Variants in MOB1B observed in about 807,000 individuals in gnomAD.
MOB1B encodes MOB kinase activator 1B.
In MOB1B, 19 loss-of-function variants were observed where a neutral mutation model predicts 24.4. The ratio of observed to expected loss-of-function variants is 0.78; its 90% confidence interval spans 0.54 to 1.14. The LOEUF is 1.14. Ranked by LOEUF, MOB1B falls within the 50% of genes most tolerant of loss-of-function variation. The probability of loss-of-function intolerance (pLI) is 0.00; values close to 1 mark genes in which losing one functional copy is unlikely to be tolerated. For missense variants in MOB1B, 243 were observed against 259.6 expected (o/e 0.94, Z 0.44); for synonymous variants, 76 against 82.1 (o/e 0.93, Z 0.40).
chr4:70,937,530 G>C (rs1285470886), intron 1 of MOB1B, among the ~76,000 whole-genome samples: 1 of 132,930 alleles, frequency 7.5e-6, no homozygotes, highest in Non-Finnish European at 1.6e-5. Flanking sequence ...TTTTTTCTTT[G>C]AGATGGAGTC....
At chr4:70,929,771 G>A (rs1390299869) in intron 1 of MOB1B, among the ~76,000 whole-genome samples, 6 of 151,612 alleles carry the variant, frequency 4.0e-5, no homozygotes, top group Admixed American at 2.0e-4. Flanking sequence ...TCAGCCTCCC[G>A]AGTAGCTGGG....
At chr4:70,970,336 C>A (rs1738707239) in intron 3 of MOB1B, among the ~76,000 whole-genome samples, 2 of 152,162 alleles carry the variant, frequency 1.3e-5, no homozygotes, top group Admixed American at 6.6e-5. Flanking sequence ...TCTCCCATTT[C>A]ACTCCTGTCA....
In MOB1B at chr4:70,915,101, T is replaced by C. The variant is rs113679789; in HGVS notation, c.14+12551T>C. ...TTATCATTATCTTAACAATGATGATTGCTAGCAGCTGTTATTTTTTATAAA... is the reference window on the plus strand; with the variant it reads ...TTATCATTATCTTAACAATGATGATCGCTAGCAGCTGTTATTTTTTATAAA... On this transcript the variant is annotated intron_variant, in intron 1 of 5. Transcript: ENST00000309395. 7.5e-3 allele frequency among the ~76,000 whole-genome samples: 1,142 copies of C among 152,364 alleles called. 14 individuals are homozygous for C. The highest frequency in any genetic ancestry group is 0.027 in the African/African-American group (1,104 of 41,578).
Position 70,959,033 on chromosome 4 carries a change from A to T in MOB1B, c.174A>T (p.Ala58=), listed in dbSNP as rs760351933. The T allele has an allele frequency of 3.1e-6, 5 of 1,613,438 alleles. No individual in the cohort carries two copies. The highest frequency in any genetic ancestry group is 1.7e-5 in the Admixed American group (1 of 59,850). Residue 58 remains alanine, a synonymous_variant, in exon 2 of 6, where the codon GCA becomes GCT. Transcript: ENST00000309395. ...GGGAAGATCTCAATGAATGGGTTGC[A>T]GTTAACAGTAAGTAGCCTTTTTATT... is the stretch of plus-strand genomic sequence containing the variant. ...PEGEDLNEWV[A]VNTVDFFNQI...
chr4:70,907,834 C>T (rs1735811090), intron 1 of MOB1B, among the ~76,000 whole-genome samples: 1 of 152,022 alleles, frequency 6.6e-6, no homozygotes, highest in Non-Finnish European at 1.5e-5. Context: ...TAAAAAGAGA[C>T]TGGGTGTTAC....
At chr4:70,921,998 A>C (rs999843322) in intron 1 of MOB1B, among the ~76,000 whole-genome samples, 1 of 152,170 alleles carries the variant, frequency 6.6e-6, no homozygotes. Flanking sequence ...TAACCTTTTA[A>C]ATCTGTAATT....
At chr4:70,929,425 C>T (rs1736791014) in intron 1 of MOB1B, among the ~76,000 whole-genome samples, 1 of 152,070 alleles carries the variant, frequency 6.6e-6, no homozygotes, top group African/African-American at 2.4e-5. Flanking sequence ...GTGATCTGCC[C>T]ACCTTGGCCT....
At chr4:70,966,374 CTTTT>C (rs777364803) in intron 2 of MOB1B, among the ~76,000 whole-genome samples, 1 of 138,030 alleles carries the variant, frequency 7.2e-6, no homozygotes, top group Non-Finnish European at 1.6e-5. Context: ...GTGAGTCCCA[CTTTT>C]TTTTTTTTTT....
At chr4:70,955,486 T>G (rs76278867) in intron 1 of MOB1B, among the ~76,000 whole-genome samples, 2 of 148,840 alleles carry the variant, frequency 1.3e-5, no homozygotes, top group East Asian at 1.9e-4. Context: ...TTTTTTTTTT[T>G]GGGAGACGAT....
At chr4:70,965,598 G>C (rs112741788) in intron 2 of MOB1B, among the ~76,000 whole-genome samples, 1,950 of 150,672 alleles carry the variant, frequency 0.013, 38 homozygotes, top group African/African-American at 0.045. Context: ...GAGATCGAGA[G>C]CATCCTGGCT....
chr4:70,902,602 C>CCGCCCG, intron 1 of MOB1B, 52 bp downstream of exon 1: 5 of 1,498,684 alleles, frequency 3.3e-6, no homozygotes, highest in Non-Finnish European at 4.4e-6. Context: ...GACCTGGGCC[C>CCGCCCG]CCGCCCGCCG....
intron 1 of MOB1B, among the ~76,000 whole-genome samples, chr4:70,905,277 C>T (rs1158664838): frequency 1.3e-5 from 2 of 151,078 alleles, no homozygotes; most frequent in East Asian, 1.9e-4. Flanking sequence ...CTCACTCTGT[C>T]GACCAGGATG....
At chr4:70,919,687 C>G (rs1043606150) in intron 1 of MOB1B, among the ~76,000 whole-genome samples, 1 of 152,138 alleles carries the variant, frequency 6.6e-6, no homozygotes, top group African/African-American at 2.4e-5. Context: ...TTAGTAGAGA[C>G]AGGGTTTCCC....
At chr4:70,902,337 A>G (rs1034127036), upstream of MOB1B, 9 of 660,292 alleles carry the variant, frequency 1.4e-5, no homozygotes, top group Admixed American at 1.1e-4. Context: ...ATTCAAGACG[A>G]GCGCTACCCA....
At chr4:70,910,553 A>C (rs949508209) in intron 1 of MOB1B, among the ~76,000 whole-genome samples, 6 of 151,926 alleles carry the variant, frequency 3.9e-5, no homozygotes, top group Non-Finnish European at 7.4e-5. Context: ...TTATTGTCTC[A>C]TGATGCTGGG....
intron 3 of MOB1B, among the ~76,000 whole-genome samples, chr4:70,973,463 C>G (rs1221902356): frequency 7.7e-6 from 1 of 130,412 alleles, no homozygotes; most frequent in African/African-American, 3.0e-5. Context: ...GAGCAAGACC[C>G]TGTCTCAAAA....
intron 1 of MOB1B, among the ~76,000 whole-genome samples, chr4:70,920,541 A>T (rs1335886026): frequency 5.9e-5 from 9 of 152,228 alleles, no homozygotes; most frequent in Non-Finnish European, 8.8e-5. Flanking sequence ...TATTACAGCA[A>T]TTAATTTAAA....
Position 70,964,842 on chromosome 4 carries a change from ATTGC to A in MOB1B, c.182-5085_182-5082del, listed in dbSNP as rs540273464. On this transcript the variant is annotated intron_variant, in intron 2 of 5. Transcript: ENST00000309395. ...CTACGTGGGAGGCTGAGGCAGGAAA[ATTGC>A]TTGAACCCAGGAAGCAGAGCTTGTA... Among the ~76,000 whole-genome samples, 291 of 152,058 alleles carry A rather than the reference ATTGC, an allele frequency of 1.9e-3. 1 individual carries two copies. The highest frequency in any genetic ancestry group is 6.7e-3 in the African/African-American group (278 of 41,476).
At chr4:70,924,562 C>T (rs1253704630) in intron 1 of MOB1B, among the ~76,000 whole-genome samples, 1 of 152,086 alleles carries the variant, frequency 6.6e-6, no homozygotes, top group African/African-American at 2.4e-5. Context: ...ATACATGTGC[C>T]GTGTTGGTTT....
Sources: gnomAD v4.1 joint callset for allele counts (sites outside exome capture counted in the v4.1 genomes callset) on GRCh38, gnomAD v4.1.1 for gene constraint, MANE v1.5 for transcripts, NCBI Gene and HGNC (gene_info 2026-07-23, HGNC 2026-07-21) for gene names.